The following AGTPBP1 variants were observed in gnomAD, a reference collection of about 807,000 sequenced individuals.
AGTPBP1 encodes cytosolic carboxypeptidase 1.
AGTPBP1 carries 70 observed loss-of-function variants against 143.9 expected under a neutral mutation model. That is an observed-to-expected ratio of 0.49 (90% CI 0.40 to 0.59). The LOEUF (loss-of-function observed/expected upper bound fraction) is 0.59, where lower values mean the gene tolerates loss of function less well. AGTPBP1 is among the 20% of genes least tolerant of loss of function. AGTPBP1 has a pLI of 0.00. For missense variants in AGTPBP1, 1,229 were observed against 1,464.5 expected (o/e 0.84, Z 2.62); for synonymous variants, 463 against 500.2 (o/e 0.93, Z 0.99).
intron 11 of AGTPBP1, among the ~76,000 whole-genome samples, chr9:85,653,232 A>AAGG (rs1030869622): frequency 8.6e-5 from 13 of 151,110 alleles, no homozygotes; most frequent in East Asian, 7.8e-4. Context: ...TGGGGGGAGG[A>AAGG]AGGAGGAGGA....
the AGTPBP1 span, among the ~76,000 whole-genome samples, chr9:85,777,773 C>G: frequency 6.6e-6 from 1 of 152,198 alleles, no homozygotes; most frequent in African/African-American, 2.4e-5. Context: ...ACCATCCAGC[C>G]AAACCACTGG....
chr9:85,573,982 C>T (rs1827720345), intron 25 of AGTPBP1, among the ~76,000 whole-genome samples: 1 of 152,202 alleles, frequency 6.6e-6, no homozygotes, highest in Non-Finnish European at 1.5e-5. Flanking sequence ...CCCAGCAGCT[C>T]ACTGAGAACG....
chr9:85,770,966 T>G, the AGTPBP1 span, among the ~76,000 whole-genome samples: 4 of 152,182 alleles, frequency 2.6e-5, no homozygotes, highest in Non-Finnish European at 5.9e-5. Flanking sequence ...ATAGTAGATT[T>G]TATTAACCTG....
chr9:85,786,452 C>T, the AGTPBP1 span: 20 of 1,613,654 alleles, frequency 1.2e-5, no homozygotes, highest in Middle Eastern at 1.7e-4. Flanking sequence ...AAAACTGTGT[C>T]GAAAAGAATT....
At position 85,655,128 on chromosome 9, in the gene AGTPBP1, A is replaced by C; in HGVS notation, c.1087+15T>G. ...TAAGAACCCACAAAAAGCAGCAGTG[A>C]CCCTGTGATCCTACCTTCAGGAGGT... On this transcript the variant is annotated intron_variant, in intron 11 of 25. Coordinates refer to ENST00000357081, the MANE Select transcript of AGTPBP1 (RefSeq NM_001330701.2). 6.4e-7 allele frequency: 1 copy of C among 1,573,894 alleles called. No individual in the cohort carries two copies.
chr9:85,647,249 C>T (rs1009745386), intron 11 of AGTPBP1, among the ~76,000 whole-genome samples: 10 of 152,240 alleles, frequency 6.6e-5, no homozygotes, highest in Middle Eastern at 3.4e-3. Context: ...TGCACTCCAG[C>T]CTGGGCAACA....
intron 17 of AGTPBP1, among the ~76,000 whole-genome samples, chr9:85,602,055 G>A (rs1160426049): frequency 6.6e-6 from 1 of 152,050 alleles, no homozygotes; most frequent in East Asian, 1.9e-4. Context: ...TACCAGATGT[G>A]CCAATAATAA....
chr9:85,743,208 G>A (rs1254981694), upstream of AGTPBP1, among the ~76,000 whole-genome samples: 2 of 152,170 alleles, frequency 1.3e-5, no homozygotes, highest in African/African-American at 4.8e-5. Context: ...AAATATGTAT[G>A]TAATATACCT....
the AGTPBP1 span, among the ~76,000 whole-genome samples, chr9:85,777,409 C>T: frequency 3.3e-5 from 5 of 152,302 alleles, no homozygotes; most frequent in Non-Finnish European, 7.4e-5. Flanking sequence ...CAGTGTTGGT[C>T]TCTGCTGCTG....
intron 2 of AGTPBP1, among the ~76,000 whole-genome samples, chr9:85,695,852 T>G (rs998825579): frequency 3.9e-5 from 6 of 152,180 alleles, no homozygotes; most frequent in Admixed American, 1.3e-4. Context: ...TTTACTTTTT[T>G]TTTTTTTCAG....
the AGTPBP1 span, among the ~76,000 whole-genome samples, chr9:85,761,225 T>C: frequency 6.6e-6 from 1 of 152,146 alleles, no homozygotes; most frequent in Non-Finnish European, 1.5e-5. Flanking sequence ...TTCAATGCCA[T>C]CCCCATCAAG....
At chr9:85,649,437 GTACTT>G (rs1833014659) in intron 11 of AGTPBP1, among the ~76,000 whole-genome samples, 1 of 152,060 alleles carries the variant, frequency 6.6e-6, no homozygotes, top group Admixed American at 6.6e-5. Flanking sequence ...CTTGTAAATA[GTACTT>G]TACTGTTCCT....
In AGTPBP1 at chr9:85,586,831, C is replaced by T; in HGVS notation, c.3033G>A (p.Leu1011=). The T allele has an allele frequency of 6.2e-7, 1 of 1,612,308 alleles. No individual in the cohort carries two copies. Among genetic ancestry groups the T allele is most frequent in the Non-Finnish European group, 8.5e-7 (1 of 1,178,950 alleles). The change falls in exon 22 of 26, where the codon TTG becomes TTA. Residue 1011 remains leucine (L), a splice_region_variant and synonymous_variant. Transcript: ENST00000357081. ...AGTAAAAACAAGTATTGCTACTTAC[C>T]AAGGGTAAACGCTTCACTGCAGCCA... is the stretch of plus-strand genomic sequence containing the variant. The part of the protein sequence containing the change: ...QYLAAVKRLP[L]VYCDYHGHSR...
the AGTPBP1 span, among the ~76,000 whole-genome samples, chr9:85,763,274 G>A: frequency 0.039 from 5,981 of 152,014 alleles, 375 homozygotes; most frequent in African/African-American, 0.14. Flanking sequence ...GAAAAAGGAA[G>A]ACTCAGGATT....
chr9:85,693,879 G>A (rs1836051298), intron 2 of AGTPBP1, among the ~76,000 whole-genome samples: 1 of 151,960 alleles, frequency 6.6e-6, no homozygotes, highest in African/African-American at 2.4e-5. Context: ...AGGCCTGAAA[G>A]AAGCAAGTAA....
chr9:85,556,081 G>A (rs553740504), intron 25 of AGTPBP1, among the ~76,000 whole-genome samples: 2 of 152,180 alleles, frequency 1.3e-5, no homozygotes, highest in South Asian at 4.2e-4. Flanking sequence ...ACAAACCCCC[G>A]TGACATGGGT....
rs1018013338 is a variant in AGTPBP1 at position 85,560,067 on chromosome 9, C to A, written c.3504-12781G>T. 5.9e-5 allele frequency among the ~76,000 whole-genome samples: 9 copies of A among 152,082 alleles called. No homozygotes were observed. In the South Asian group the frequency reaches 1.5e-3, roughly 25 times the overall value. On this transcript the variant is annotated intron_variant, in intron 25 of 25. Transcript: ENST00000357081. ...TCAAGGTCCCACCAGCATTTGGAGA[C>A]CCCCTCCAGCCCACCAGTATCAAAA...
Position 85,579,077 on chromosome 9 carries a change from C to T in AGTPBP1, c.3185G>A (p.Ser1062Asn). 1 of 1,606,682 alleles carries T rather than the reference C, an allele frequency of 6.2e-7. No homozygotes were observed. Among genetic ancestry groups the T allele is most frequent in the Non-Finnish European group, 8.5e-7 (1 of 1,177,766 alleles). The change falls in exon 24 of 26, where the codon AGC becomes AAC. Residue 1062 changes from serine to asparagine, a missense_variant. Ser to Asn is a conservative substitution (Grantham distance 46, BLOSUM62 1). Around this residue, in one of 2 missense-constraint regions of AGTPBP1, gnomAD observed 486 missense variants for 652.3 expected, o/e 0.75. Transcript: ENST00000357081. ...CATGCAAAATGCTGGGGCGATATGGCTCAGTATCTTAGGCAATGTCTGTTA... is the reference window on the plus strand; with the variant it reads ...CATGCAAAATGCTGGGGCGATATGGTTCAGTATCTTAGGCAATGTCTGTTA... ...TGYRTLPKIL[S>N]HIAPAFCMSS...
At chr9:85,671,734 T>A (rs1290393539) in intron 7 of AGTPBP1, among the ~76,000 whole-genome samples, 5 of 151,762 alleles carry the variant, frequency 3.3e-5, no homozygotes, top group Admixed American at 3.3e-4. Context: ...TTAGTGAGAG[T>A]GTGTGTTTTG....
Sources: allele counts gnomAD v4.1 joint callset (sites outside exome capture counted in the v4.1 genomes callset), GRCh38; gene constraint gnomAD v4.1.1; regional missense constraint gnomAD v4.1.1; transcripts MANE v1.5; gene names NCBI Gene and HGNC (gene_info 2026-07-23, HGNC 2026-07-21).